The following FBXL7 variants were observed in gnomAD, a reference collection of about 807,000 sequenced individuals.
FBXL7 encodes the protein F-box and leucine rich repeat protein 7.
In FBXL7, 12 loss-of-function variants were observed where a neutral mutation model predicts 38.3. That is an observed-to-expected ratio of 0.31 (90% CI 0.20 to 0.51). The LOEUF (loss-of-function observed/expected upper bound fraction) is 0.51. FBXL7 is among the 20% of genes least tolerant of loss of function. FBXL7 has a pLI of 0.98. For synonymous variants in FBXL7, 297 were observed against 300.9 expected, an observed-to-expected ratio of 0.99 and a Z score of 0.13; for missense variants, 567 against 676.4, an observed-to-expected ratio of 0.84 and a Z score of 1.79.
At position 15,658,974 on chromosome 5, in the gene FBXL7, A is replaced by G. The variant is rs115362149; in HGVS notation, c.127+42902A>G. Among the ~76,000 whole-genome samples, 1,073 of 152,188 alleles carry G rather than the reference A, an allele frequency of 7.1e-3. 11 individuals are homozygous for G. Among genetic ancestry groups the G allele is most frequent in the African/African-American group, 0.025 (1,039 of 41,516 alleles). On this transcript the variant is annotated intron_variant, in intron 2 of 3. Coordinates refer to ENST00000504595, the MANE Select transcript of FBXL7 (RefSeq NM_012304.5). Reference sequence around the variant, plus strand: ...GGTTTCCTCCCCTACCTTCACTGGGACTTCTTGCCACTGCCATGTGAAGGA... The same window carrying G: ...GGTTTCCTCCCCTACCTTCACTGGGGCTTCTTGCCACTGCCATGTGAAGGA...
intron 2 of FBXL7, among the ~76,000 whole-genome samples, chr5:15,905,057 T>C (rs527667523): frequency 9.0e-4 from 137 of 152,306 alleles, no homozygotes; most frequent in African/African-American, 3.2e-3. Context: ...AGCATTACCA[T>C]AGTCAATCAC....
chr5:15,927,281 A>G (rs1371537143), intron 2 of FBXL7, among the ~76,000 whole-genome samples: 1 of 152,136 alleles, frequency 6.6e-6, no homozygotes, highest in African/African-American at 2.4e-5. Flanking sequence ...ATGGCCTGCA[A>G]AGCCTCAGTA....
At chr5:15,579,275 A>G (rs879237065) in intron 1 of FBXL7, among the ~76,000 whole-genome samples, 1 of 152,170 alleles carries the variant, frequency 6.6e-6, no homozygotes, top group Admixed American at 6.5e-5. Flanking sequence ...TTGGCCATAG[A>G]CAGTGTGGGA....
At chr5:15,523,674 C>T (rs1314310758) in intron 1 of FBXL7, among the ~76,000 whole-genome samples, 1 of 152,112 alleles carries the variant, frequency 6.6e-6, no homozygotes, top group Non-Finnish European at 1.5e-5. Flanking sequence ...GGCCTGTTAC[C>T]GTCCGTGGCG....
intron 2 of FBXL7, among the ~76,000 whole-genome samples, chr5:15,721,591 A>T (rs1321845506): frequency 6.6e-6 from 1 of 152,018 alleles, no homozygotes; most frequent in Non-Finnish European, 1.5e-5. Context: ...TTTATCCCCA[A>T]GATGATAAAA....
intron 1 of FBXL7, among the ~76,000 whole-genome samples, chr5:15,594,434 G>A (rs1484754568): frequency 6.6e-6 from 1 of 152,176 alleles, no homozygotes; most frequent in African/African-American, 2.4e-5. Context: ...GCGGTGGTAA[G>A]GGAGGTATAT....
At chr5:15,584,197 C>T (rs756776690) in intron 1 of FBXL7, among the ~76,000 whole-genome samples, 24 of 152,164 alleles carry the variant, frequency 1.6e-4, no homozygotes, top group Non-Finnish European at 2.5e-4. Context: ...GTCCTCCAGG[C>T]CTGTGATGGG....
chr5:15,702,017 C>A (rs1743538828), intron 2 of FBXL7, among the ~76,000 whole-genome samples: 1 of 152,216 alleles, frequency 6.6e-6, no homozygotes, highest in Non-Finnish European at 1.5e-5. Context: ...GCGGGCAGAT[C>A]ACCTGAGGTC....
chr5:15,887,483 T>G (rs1445362809), intron 2 of FBXL7, among the ~76,000 whole-genome samples: 3 of 152,182 alleles, frequency 2.0e-5, no homozygotes, highest in African/African-American at 4.8e-5. Flanking sequence ...AATTGCCAAA[T>G]GGGATTTAAG....
intron 1 of FBXL7, among the ~76,000 whole-genome samples, chr5:15,605,916 A>T (rs1468355644): frequency 1.3e-5 from 2 of 152,166 alleles, no homozygotes; most frequent in Non-Finnish European, 2.9e-5. Flanking sequence ...AGGGGAAGAG[A>T]CCCTGTCCCA....
At chr5:15,510,606 G>A (rs1736768052) in intron 1 of FBXL7, among the ~76,000 whole-genome samples, 1 of 152,070 alleles carries the variant, frequency 6.6e-6, no homozygotes, top group African/African-American at 2.4e-5. Context: ...GACAAATTCA[G>A]GGAGATTGGG....
chr5:15,730,923 C>A (rs1579415094), intron 2 of FBXL7, among the ~76,000 whole-genome samples: 1 of 152,076 alleles, frequency 6.6e-6, no homozygotes, highest in African/African-American at 2.4e-5. Context: ...TGTTCTATTG[C>A]CTATAAAACA....
At chr5:15,795,011 A>G (rs570435192) in intron 2 of FBXL7, among the ~76,000 whole-genome samples, 1 of 152,212 alleles carries the variant, frequency 6.6e-6, no homozygotes, top group African/African-American at 2.4e-5. Flanking sequence ...TGCTTATGAA[A>G]CTTTTAAAGA....
chr5:15,631,628 C>T (rs150880309), intron 2 of FBXL7, among the ~76,000 whole-genome samples: 3,734 of 136,200 alleles, frequency 0.027, 167 homozygotes, highest in African/African-American at 0.098. Context: ...GCCGAGACTG[C>T]GCCATTGCAC....
chr5:15,558,151 T>TTA (rs1352258934), intron 1 of FBXL7, among the ~76,000 whole-genome samples: 4 of 152,140 alleles, frequency 2.6e-5, no homozygotes. Context: ...ACATGTTTTG[T>TTA]TATATATATT....
intron 1 of FBXL7, among the ~76,000 whole-genome samples, chr5:15,513,752 G>A (rs1056637787): frequency 2.6e-5 from 4 of 152,140 alleles, no homozygotes; most frequent in African/African-American, 9.7e-5. Context: ...TGCTCCGCTG[G>A]TCAAAAAGAT....
chr5:15,673,144 C>T (rs942521136), intron 2 of FBXL7, among the ~76,000 whole-genome samples: 8 of 151,952 alleles, frequency 5.3e-5, no homozygotes, highest in East Asian at 2.0e-4. Context: ...GGCAAAACCC[C>T]GTCTCCACTA....
At chr5:15,881,547 T>C (rs1740451776) in intron 2 of FBXL7, among the ~76,000 whole-genome samples, 1 of 152,220 alleles carries the variant, frequency 6.6e-6, no homozygotes, top group Non-Finnish European at 1.5e-5. Flanking sequence ...TACCTAGTAG[T>C]GGGATTGCTG....
intron 2 of FBXL7, among the ~76,000 whole-genome samples, chr5:15,721,253 T>C (rs996728762): frequency 2.0e-5 from 3 of 152,152 alleles, no homozygotes; most frequent in African/African-American, 7.2e-5. Flanking sequence ...TTTTTTTTAG[T>C]GTAAAACCTA....
Sources: allele counts gnomAD v4.1 joint callset (sites outside exome capture counted in the v4.1 genomes callset), GRCh38; gene constraint gnomAD v4.1.1; transcripts MANE v1.5; gene names NCBI Gene and HGNC (gene_info 2026-07-23, HGNC 2026-07-21).